The following DCK variants were observed in gnomAD, a reference collection of about 807,000 sequenced individuals.
DCK encodes the protein deoxyadenosine kinase.
A neutral mutation model predicts 38.3 loss-of-function variants in DCK; 23 were observed. That is an observed-to-expected ratio of 0.60 (90% CI 0.43 to 0.85). The LOEUF is 0.85. Ranked by LOEUF, DCK falls within the 40% of genes least tolerant of loss-of-function variation. The pLI, the probability that DCK is intolerant of heterozygous loss-of-function variation, is 0.00. For missense variants in DCK, 259 were observed against 304.4 expected (o/e 0.85, Z 1.11); for synonymous variants, 108 against 100.6 (o/e 1.07, Z -0.44).
chr4:71,015,346 C>A (rs1413762835), intron 2 of DCK, among the ~76,000 whole-genome samples: 1 of 152,158 alleles, frequency 6.6e-6, no homozygotes, highest in East Asian at 1.9e-4. Flanking sequence ...CCGAATTCTA[C>A]CAGCAGTACA....
At chr4:71,013,880 T>A (rs1316007352) in intron 2 of DCK, among the ~76,000 whole-genome samples, 1 of 152,144 alleles carries the variant, frequency 6.6e-6, no homozygotes, top group Non-Finnish European at 1.5e-5. Context: ...GCTAACATCA[T>A]AATGACAGGA....
At chr4:71,018,186 G>A (rs1292796443) in intron 2 of DCK, among the ~76,000 whole-genome samples, 2 of 148,496 alleles carry the variant, frequency 1.3e-5, no homozygotes, top group Non-Finnish European at 3.0e-5. Flanking sequence ...GAGTGCAGTG[G>A]CGCCATCTCA....
chr4:71,011,475 G>A (rs1552381), intron 2 of DCK, among the ~76,000 whole-genome samples: 12,042 of 151,988 alleles, frequency 0.079, 1,292 homozygotes, highest in African/African-American at 0.25. Flanking sequence ...TCCCACCTCA[G>A]CCTCCTCAGT....
intron 2 of DCK, among the ~76,000 whole-genome samples, chr4:71,012,312 C>A (rs1740121589): frequency 6.6e-6 from 1 of 152,244 alleles, no homozygotes; most frequent in Admixed American, 6.5e-5. Context: ...AGGAGGCCTG[C>A]CTGCCTCTGT....
intron 5 of DCK, 106 bp downstream of exon 5, chr4:71,026,037 G>C (rs1740540200): frequency 1.5e-6 from 2 of 1,314,894 alleles, no homozygotes; most frequent in Non-Finnish European, 2.0e-6. Flanking sequence ...AAAATTTCCA[G>C]TCGTTTTGCT....
At chr4:71,012,910 C>T (rs559537725) in intron 2 of DCK, among the ~76,000 whole-genome samples, 31 of 152,290 alleles carry the variant, frequency 2.0e-4, no homozygotes, top group Admixed American at 9.2e-4. Context: ...CAAAGCTGGA[C>T]GGAGAATGAC....
intron 2 of DCK, among the ~76,000 whole-genome samples, chr4:71,019,941 C>G (rs1268018081): frequency 6.6e-6 from 1 of 152,130 alleles, no homozygotes; most frequent in African/African-American, 2.4e-5. Flanking sequence ...CGCGTGCCAC[C>G]ACGCCTGGCT....
At chr4:71,021,233 GC>G (rs1740416583) in intron 2 of DCK, among the ~76,000 whole-genome samples, 1 of 151,178 alleles carries the variant, frequency 6.6e-6, no homozygotes, top group Non-Finnish European at 1.5e-5. Flanking sequence ...CCGCCACCGC[GC>G]CCGGCTAATT....
At chr4:71,010,508 T>G (rs1740061075) in intron 2 of DCK, among the ~76,000 whole-genome samples, 1 of 150,800 alleles carries the variant, frequency 6.6e-6, no homozygotes, top group East Asian at 1.9e-4. Context: ...TTCATTGAGC[T>G]GAATTCTTTT....
intron 2 of DCK, among the ~76,000 whole-genome samples, chr4:71,019,777 C>CTTTTTTT (rs1347783024): frequency 1.7e-5 from 1 of 59,152 alleles, no homozygotes; most frequent in South Asian, 1.3e-3. Flanking sequence ...GTTGATATAC[C>CTTTTTTT]TTTTATTTTT....
intron 3 of DCK, 126 bp from the exon 4 acceptor site, chr4:71,023,433 T>C (rs1740475859): frequency 1.6e-6 from 1 of 629,728 alleles, no homozygotes; most frequent in African/African-American, 1.9e-5. Flanking sequence ...CTCTTGTCTT[T>C]TTCTGCTTTC....
chr4:70,996,566 G>A (rs992838898), intron 1 of DCK, among the ~76,000 whole-genome samples: 23 of 152,242 alleles, frequency 1.5e-4, no homozygotes, highest in Non-Finnish European at 2.1e-4. Flanking sequence ...GTTAGTTACT[G>A]TTCATTATTG....
chr4:71,012,158 C>T (rs1349158550), intron 2 of DCK, among the ~76,000 whole-genome samples: 1 of 152,164 alleles, frequency 6.6e-6, no homozygotes, highest in Non-Finnish European at 1.5e-5. Context: ...TCCCCACCCC[C>T]CACAATATTT....
chr4:71,016,979 C>G (rs1395433894), intron 2 of DCK, among the ~76,000 whole-genome samples: 1 of 152,116 alleles, frequency 6.6e-6, no homozygotes, highest in Non-Finnish European at 1.5e-5. Context: ...AAGAAACTAC[C>G]ATCAGAGTGA....
intron 2 of DCK, among the ~76,000 whole-genome samples, chr4:71,016,307 T>C (rs936727053): frequency 4.6e-5 from 7 of 152,176 alleles, no homozygotes; most frequent in African/African-American, 1.4e-4. Context: ...TGGAAGAACA[T>C]TTCATGCTCG....
At chr4:70,994,046 G>A (rs1416214448) in intron 1 of DCK, 120 bp downstream of exon 1, 5 of 770,748 alleles carry the variant, frequency 6.5e-6, no homozygotes, top group Non-Finnish European at 8.9e-6. Flanking sequence ...GCCTGGCGGT[G>A]TGGACGCGGC....
At chr4:71,015,182 G>C (rs1740226126) in intron 2 of DCK, among the ~76,000 whole-genome samples, 1 of 152,010 alleles carries the variant, frequency 6.6e-6, no homozygotes, top group South Asian at 2.1e-4. Context: ...AGAAAATCTA[G>C]AAGAAATGGA....
rs1320925774 is a variant in DCK, at chr4:71,029,420, T to G, written c.*42T>G. On this transcript the variant is annotated 3_prime_UTR_variant, in exon 7 of 7. Coordinates refer to ENST00000286648, the MANE Select transcript of DCK (RefSeq NM_000788.3). Reference sequence around the variant, plus strand: ...AGGCAGCCAAATGGTTCCAGATACTTCAGCTTTGTGTATCTTCGTAACTTC... The same window carrying G: ...AGGCAGCCAAATGGTTCCAGATACTGCAGCTTTGTGTATCTTCGTAACTTC... 6.7e-7 allele frequency: 1 copy of G among 1,500,734 alleles called. No homozygotes were observed. Among genetic ancestry groups the G allele is most frequent in the Admixed American group, 1.7e-5 (1 of 59,374 alleles). The allele number at this position is 1,500,734 out of a possible 1,614,324, so 93.0% of individuals were successfully genotyped here. A position where few individuals can be genotyped will look rare whatever the true frequency, so the allele number is the denominator to read the frequency against.
chr4:71,028,227 A>G (rs999815579), intron 6 of DCK, among the ~76,000 whole-genome samples: 8 of 152,242 alleles, frequency 5.3e-5, no homozygotes, highest in Non-Finnish European at 8.8e-5. Context: ...TTAAAGCTGC[A>G]TATGTCAGTG....
Sources: allele counts gnomAD v4.1 joint callset (sites outside exome capture counted in the v4.1 genomes callset), GRCh38; gene constraint gnomAD v4.1.1; transcripts MANE v1.5; gene names NCBI Gene and HGNC (gene_info 2026-07-23, HGNC 2026-07-21).